The following SS18 variants were observed in gnomAD, a reference collection of about 807,000 sequenced individuals.
The protein encoded by SS18 is protein SSXT.
A neutral mutation model predicts 72.5 loss-of-function variants in SS18; 28 were observed. The ratio of observed to expected loss-of-function variants is 0.39; its 90% CI spans 0.29 to 0.53. SS18 has a LOEUF of 0.53. Among genes scored for constraint, SS18 ranks in the 20% least tolerant of loss-of-function variants. The pLI is 0.76. For synonymous variants in SS18, 172 were observed against 164.2 expected (o/e 1.05, Z -0.37); for missense variants, 518 against 535.3 (o/e 0.97, Z 0.32).
chr18:26,035,204 C>A lies in SS18; in HGVS notation c.974-77G>T. The A allele has an allele frequency of 2.0e-6, 3 of 1,465,116 alleles. No homozygotes were observed. The highest frequency in any genetic ancestry group is 1.3e-5 in the South Asian group (1 of 75,108). The allele number at this position is 1,465,116 out of a possible 1,614,324, so 90.8% of individuals were successfully genotyped here. ...ACTTTTTTCCCTCTAAGATGCATAG[C>A]CAACAACACAAGAACAAAATGAAAT... On this transcript the variant is annotated intron_variant, in intron 8 of 10. Transcript: ENST00000415083. The surrounding 1 kb of genome is among the most constrained non-coding windows in gnomAD (Gnocchi z 4.4).
At chr18:26,064,619 A>G (rs2054180402) in intron 3 of SS18, among the ~76,000 whole-genome samples, 1 of 152,092 alleles carries the variant, frequency 6.6e-6, no homozygotes, top group African/African-American at 2.4e-5. Context: ...AGCACTCTTA[A>G]AACAAAAATT....
chr18:26,022,647 AG>A lies in SS18; in HGVS notation c.1231-4268del, dbSNP rs1224222996. Among the ~76,000 whole-genome samples the A allele has an allele frequency of 5.3e-5, 8 of 152,296 alleles. No individual in the cohort carries two copies. In the East Asian group the frequency reaches 1.5e-3, roughly 29 times the overall value. On this transcript the variant is annotated intron_variant, in intron 10 of 10. Transcript: ENST00000415083. ...CCAGATGTTCTGACTTAAGGAGATAAGGCTTAGAGTCTGGAGAGAAAAAGGT... is the reference window on the plus strand; with the variant it reads ...CCAGATGTTCTGACTTAAGGAGATAAGCTTAGAGTCTGGAGAGAAAAAGGT...
At chr18:26,037,516 C>G (rs890298222) in intron 7 of SS18, among the ~76,000 whole-genome samples, 4 of 151,810 alleles carry the variant, frequency 2.6e-5, no homozygotes, top group African/African-American at 9.7e-5. Context: ...AAAAACAAAA[C>G]AAAAACCAAT....
intron 10 of SS18, among the ~76,000 whole-genome samples, chr18:26,019,864 T>TA (rs2143760600): frequency 6.8e-6 from 1 of 146,140 alleles, no homozygotes; most frequent in African/African-American, 2.5e-5. Context: ...TATATTCAGC[T>TA]AAATTTAAAT....
intron 10 of SS18, 120 bp from the exon 11 acceptor site, chr18:26,018,500 A>C (rs1449540280): frequency 2.9e-6 from 2 of 687,312 alleles, no homozygotes; most frequent in Non-Finnish European, 4.7e-6. Flanking sequence ...ACCTACAATA[A>C]ACAAAATTTT....
chr18:26,049,342 G>T (rs914404228), intron 5 of SS18, among the ~76,000 whole-genome samples: 1 of 152,136 alleles, frequency 6.6e-6, no homozygotes, highest in Admixed American at 6.5e-5. Flanking sequence ...AGAAATGAAA[G>T]AAATAAATAA....
Position 26,057,757 on chromosome 18 carries a change from T to C in SS18, c.232-15A>G. The C allele has an allele frequency of 1.3e-6, 2 of 1,586,544 alleles. No homozygotes were observed. Among genetic ancestry groups the C allele is most frequent in the Non-Finnish European group, 1.7e-6 (2 of 1,163,722 alleles). On this transcript the variant is annotated splice_polypyrimidine_tract_variant and intron_variant, in intron 3 of 10. Transcript: ENST00000415083. The stretch of plus-strand genomic sequence containing the variant: ...TGTGTGGGTGGCTGAAAGAAGACAG[T>C]TTAGTAAAACAAGAGAAACAGACTA...
intron 4 of SS18, among the ~76,000 whole-genome samples, chr18:26,055,390 C>G (rs1671670470): frequency 6.6e-6 from 1 of 151,846 alleles, no homozygotes; most frequent in South Asian, 2.1e-4. Context: ...TCGCTTGAAC[C>G]CGGGAGGCAG....
intron 9 of SS18, 81 bp downstream of exon 9, chr18:26,034,924 A>T: frequency 6.7e-7 from 1 of 1,495,180 alleles, no homozygotes; most frequent in Non-Finnish European, 9.0e-7. Context: ...TTGTAAAAAT[A>T]AGTATTAAAT....
chr18:26,038,093 T>A (rs1054960730), intron 7 of SS18, among the ~76,000 whole-genome samples: 1 of 152,156 alleles, frequency 6.6e-6, no homozygotes, highest in Non-Finnish European at 1.5e-5. Flanking sequence ...CTTAGTTTGT[T>A]GAGAAGTATG....
At chr18:26,063,780 A>C (rs2054166189) in intron 3 of SS18, among the ~76,000 whole-genome samples, 2 of 152,162 alleles carry the variant, frequency 1.3e-5, no homozygotes, top group Admixed American at 6.5e-5. Flanking sequence ...AGTACAAAGG[A>C]GGAAATAATG....
chr18:26,070,064 T>G (rs1450733788), intron 3 of SS18, among the ~76,000 whole-genome samples: 1 of 152,132 alleles, frequency 6.6e-6, no homozygotes, highest in Admixed American at 6.5e-5. Flanking sequence ...TGTTCCTTAC[T>G]GGGGGTAATG....
Position 26,035,314 on chromosome 18 carries a change from A to C in SS18, c.974-187T>G. 1.5e-6 allele frequency: 1 copy of C among 672,400 alleles called. No individual in the cohort carries two copies. The highest frequency in any genetic ancestry group is 2.1e-5 in the South Asian group (1 of 48,380). The allele number at this position is 672,400 out of a possible 1,614,324, so 41.7% of individuals were successfully genotyped here. On this transcript the variant is annotated intron_variant, in intron 8 of 10. Transcript: ENST00000415083. This position sits in a 1 kb window ranked among gnomAD's most constrained non-coding sequence, Gnocchi z 4.4. ...TTTCGGCCAAACAAACTGCAGTTAAAGCCAATTTTGCAAGGTTGAACTGCA... is the reference window on the plus strand; with the variant it reads ...TTTCGGCCAAACAAACTGCAGTTAACGCCAATTTTGCAAGGTTGAACTGCA...
chr18:26,050,749 CA>C (rs1029428244), intron 5 of SS18, among the ~76,000 whole-genome samples: 5 of 147,320 alleles, frequency 3.4e-5, no homozygotes, highest in Non-Finnish European at 3.0e-5. Flanking sequence ...ACTAAAAATA[CA>C]AAAAAAAAAT....
chr18:26,020,876 AAC>A (rs2053336907), intron 10 of SS18, among the ~76,000 whole-genome samples: 2 of 152,206 alleles, frequency 1.3e-5, no homozygotes, highest in African/African-American at 2.4e-5. Flanking sequence ...TGGAGGATAA[AAC>A]ACAGAATGCT....
At chr18:26,060,303 T>C (rs1419683000) in intron 3 of SS18, among the ~76,000 whole-genome samples, 1 of 152,158 alleles carries the variant, frequency 6.6e-6, no homozygotes, top group African/African-American at 2.4e-5. Context: ...AAAGGCCACA[T>C]AAATTGTATG....
At chr18:26,048,296 T>C (rs575071526) in intron 5 of SS18, among the ~76,000 whole-genome samples, 124 of 152,304 alleles carry the variant, frequency 8.1e-4, no homozygotes, top group Non-Finnish European at 1.0e-3. Flanking sequence ...ATCAAAGACA[T>C]AGCTACAAAG....
At position 26,035,431 on chromosome 18, in the gene SS18, A is replaced by C; in HGVS notation, c.974-304T>G. On this transcript the variant is annotated intron_variant, in intron 8 of 10. Transcript: ENST00000415083. The surrounding 1 kb of genome is among the most constrained non-coding windows in gnomAD (Gnocchi z 4.4). ...CTATGCTAAATAAAATAAAAAAGAC[A>C]AAATTAAAGACAGCTACAAGAGCAC... The C allele has an allele frequency of 3.1e-6, 1 of 326,996 alleles. No homozygotes were observed. Among genetic ancestry groups the C allele is most frequent in the Non-Finnish European group, 5.7e-6 (1 of 176,790 alleles). The allele number at this position is 326,996 out of a possible 1,614,324, so 20.3% of individuals were successfully genotyped here.
At chr18:26,069,737 A>G (rs2054281389) in intron 3 of SS18, among the ~76,000 whole-genome samples, 1 of 152,220 alleles carries the variant, frequency 6.6e-6, no homozygotes, top group Non-Finnish European at 1.5e-5. Context: ...ACCACAATAG[A>G]AAGAACTATT....
Sources: gnomAD v4.1 joint callset for allele counts (sites outside exome capture counted in the v4.1 genomes callset) on GRCh38, gnomAD v4.1.1 for gene constraint, Gnocchi (gnomAD v3.1) non-coding constraint, MANE v1.5 for transcripts, NCBI Gene and HGNC (gene_info 2026-07-23, HGNC 2026-07-21) for gene names.